The following RARS2 variants were observed in gnomAD, a reference collection of about 807,000 sequenced individuals.
The protein encoded by RARS2 is arginyl-tRNA synthetase 2, mitochondrial, also known as probable arginine--tRNA ligase, mitochondrial.
In RARS2, 67 loss-of-function variants were observed where a neutral mutation model predicts 88.5. The observed-to-expected ratio is 0.76, with a 90% CI of 0.62 to 0.93. RARS2 has a LOEUF of 0.93. RARS2 is among the 40% of genes least tolerant of loss of function. The pLI is 0.00. For missense variants in RARS2, 664 were observed against 684.2 expected (o/e 0.97, Z 0.33); for synonymous variants, 239 against 230.3 (o/e 1.04, Z -0.34).
chr6:87,572,761 C>T (rs1770174445), intron 1 of RARS2, among the ~76,000 whole-genome samples: 2 of 151,956 alleles, frequency 1.3e-5, no homozygotes, highest in Non-Finnish European at 1.5e-5. Context: ...ATTTCATTTG[C>T]TACCAAAAAT....
At chr6:87,560,829 G>A (rs544658238) in intron 4 of RARS2, among the ~76,000 whole-genome samples, 4 of 152,218 alleles carry the variant, frequency 2.6e-5, no homozygotes, top group East Asian at 3.9e-4. Context: ...TGGAGGTTAC[G>A]GTAAGCAAAG....
intron 1 of RARS2, among the ~76,000 whole-genome samples, chr6:87,575,714 T>C (rs950575338): frequency 6.6e-6 from 1 of 151,892 alleles, no homozygotes; most frequent in Admixed American, 6.6e-5. Context: ...GGGAAAAACT[T>C]CCACGAAATA....
chr6:87,520,482 T>C (rs1220309458), intron 12 of RARS2, among the ~76,000 whole-genome samples: 1 of 151,976 alleles, frequency 6.6e-6, no homozygotes, highest in Non-Finnish European at 1.5e-5. Flanking sequence ...CAGTAGGAAA[T>C]GTGAACTTCA....
rs916421324 is a variant in RARS2 at position 87,524,236 on chromosome 6, A to G, written c.974+321T>C. Among the ~76,000 whole-genome samples, 6 of 151,476 alleles carry G rather than the reference A, an allele frequency of 4.0e-5. No homozygotes were observed. In the East Asian group the frequency reaches 5.8e-4, roughly 15 times the overall value. On this transcript the variant is annotated intron_variant, in intron 11 of 19. Transcript: ENST00000369536. The stretch of plus-strand genomic sequence containing the variant: ...AAGGTCAGTCACAGAGATGGATGGG[A>G]AAAAAAAATGTGACATGGCTGCTTT...
At chr6:87,560,546 T>C (rs531635475) in intron 4 of RARS2, among the ~76,000 whole-genome samples, 1 of 152,378 alleles carries the variant, frequency 6.6e-6, no homozygotes, top group African/African-American at 2.4e-5. Flanking sequence ...ATTAATTCTT[T>C]GTTGGTCCTA....
intron 1 of RARS2, among the ~76,000 whole-genome samples, chr6:87,576,184 T>C (rs1337303036): frequency 8.3e-6 from 1 of 120,470 alleles, no homozygotes; most frequent in Non-Finnish European, 1.8e-5. Context: ...ATATAATTTA[T>C]ATAAAATTTA....
In RARS2 at chr6:87,589,969, C is replaced by T. The variant is rs768137659; in HGVS notation, c.-12G>A. The T allele has an allele frequency of 1.9e-5, 30 of 1,614,124 alleles. No homozygotes were observed. The highest frequency in any genetic ancestry group is 8.3e-5 in the Admixed American group (5 of 60,012). On this transcript the variant is annotated 5_prime_UTR_variant, in exon 1 of 20. Transcript: ENST00000369536. Reference sequence around the variant, plus strand: ...AAGCCGCACGCCATGTCCACCTCTACGGAAGTGCGCCGCAGTCCGCCAGTT... The same window carrying T: ...AAGCCGCACGCCATGTCCACCTCTATGGAAGTGCGCCGCAGTCCGCCAGTT...
intron 17 of RARS2, among the ~76,000 whole-genome samples, chr6:87,517,202 C>A (rs1476874942): frequency 2.0e-5 from 3 of 151,972 alleles, no homozygotes; most frequent in Admixed American, 2.0e-4. Flanking sequence ...CACTTGACCC[C>A]GGGAGGTGAA....
chr6:87,585,656 C>G (rs1198852457), intron 1 of RARS2, among the ~76,000 whole-genome samples: 1 of 152,058 alleles, frequency 6.6e-6, no homozygotes, highest in Non-Finnish European at 1.5e-5. Flanking sequence ...GGCGTGAACC[C>G]AGGAGGCGGA....
chr6:87,540,336 C>T (rs1780514651), intron 8 of RARS2, among the ~76,000 whole-genome samples: 2 of 151,030 alleles, frequency 1.3e-5, no homozygotes, highest in South Asian at 2.1e-4. Flanking sequence ...ACCTGTAATC[C>T]CAGCTACTCG....
intron 1 of RARS2, 63 bp from the exon 2 acceptor site, chr6:87,569,653 T>C (rs1769011919): frequency 1.6e-6 from 2 of 1,244,912 alleles, no homozygotes; most frequent in Admixed American, 1.7e-5. Flanking sequence ...TTCAATGGAA[T>C]ACCACTTGTA....
At chr6:87,587,708 A>C (rs546275399) in intron 1 of RARS2, among the ~76,000 whole-genome samples, 25 of 152,316 alleles carry the variant, frequency 1.6e-4, no homozygotes, top group African/African-American at 6.0e-4. Flanking sequence ...CCATGAGCTT[A>C]AATGTGAATG....
chr6:87,534,589 A>G (rs930907946), intron 8 of RARS2, among the ~76,000 whole-genome samples: 2 of 152,212 alleles, frequency 1.3e-5, no homozygotes, highest in Non-Finnish European at 2.9e-5. Context: ...ACTCATTCTA[A>G]GAGGAAGACT....
chr6:87,569,733 A>G (rs2128188760), intron 1 of RARS2, 143 bp from the exon 2 acceptor site: 1 of 721,310 alleles, frequency 1.4e-6, no homozygotes, highest in East Asian at 2.7e-5. Flanking sequence ...AGCCAGATTC[A>G]AAAAGGTATA....
chr6:87,557,801 T>C (rs1033120826), intron 4 of RARS2, among the ~76,000 whole-genome samples: 1 of 152,236 alleles, frequency 6.6e-6, no homozygotes, highest in Non-Finnish European at 1.5e-5. Context: ...CCATCTGCCC[T>C]TGACTCTGCA....
Position 87,564,141 on chromosome 6 carries a change from G to C in RARS2, c.202C>G (p.Leu68Val), listed in dbSNP as rs748605026. The C allele has an allele frequency of 6.2e-7, 1 of 1,605,884 alleles. No individual in the cohort carries two copies. The highest frequency in any genetic ancestry group is 1.1e-5 in the South Asian group (1 of 90,904). Residue 68 changes from leucine (L) to valine (V), a missense_variant, in exon 3 of 20, where the codon CTA becomes GTA. Coordinates refer to ENST00000369536, the MANE Select transcript of RARS2 (RefSeq NM_020320.5). ...TAGTGCTAACGTACCTTCTCTGCTA[G>C]TCTCTTGGCTTGAACTTGAATATCT... ...RPDIQVQAKR[L>V]AEKLRCDTVV...
In RARS2 at chr6:87,559,447, G is replaced by A. The variant is rs1309189690; in HGVS notation, c.297+3255C>T. Reference sequence around the variant, plus strand: ...CATTGCACTCCAGCCTGGGCAACAAGAGTGAAACTCTGTCTCAAAAAAAAA... The same window carrying A: ...CATTGCACTCCAGCCTGGGCAACAAAAGTGAAACTCTGTCTCAAAAAAAAA... On this transcript the variant is annotated intron_variant, in intron 4 of 19. Transcript: ENST00000369536. Among the ~76,000 whole-genome samples, 5 of 123,166 alleles carry A rather than the reference G, an allele frequency of 4.1e-5. No individual in the cohort carries two copies. In the East Asian group the frequency reaches 1.3e-3, roughly 32 times the overall value. The allele number at this position is 123,166 out of a possible 152,430, so 80.8% of individuals were successfully genotyped here.
intron 1 of RARS2, among the ~76,000 whole-genome samples, chr6:87,570,820 T>C (rs1769443547): frequency 6.6e-6 from 1 of 152,182 alleles, no homozygotes; most frequent in East Asian, 1.9e-4. Context: ...CTCAAAGTGC[T>C]GGGATTACAA....
At chr6:87,544,457 T>TA (rs1393524095) in intron 7 of RARS2, among the ~76,000 whole-genome samples, 1 of 152,190 alleles carries the variant, frequency 6.6e-6, no homozygotes, top group African/African-American at 2.4e-5. Flanking sequence ...AATAAGAACA[T>TA]AAGACAGGAG....
Sources: allele counts gnomAD v4.1 joint callset (sites outside exome capture counted in the v4.1 genomes callset), GRCh38; gene constraint gnomAD v4.1.1; transcripts MANE v1.5; gene names NCBI Gene and HGNC (gene_info 2026-07-23, HGNC 2026-07-21).